B3GALT1: variants seen among roughly 807,000 people sequenced by gnomAD.
B3GALT1 encodes the protein UDP-Gal:betaGlcNAc beta 1,3-galactosyltransferase, polypeptide 1.
Under a neutral mutation model 23.2 loss-of-function variants are expected in B3GALT1, and 10 were observed. The ratio of observed to expected loss-of-function variants is 0.43; its 90% CI spans 0.27 to 0.73. The LOEUF (loss-of-function observed/expected upper bound fraction) is 0.73. Ranked by LOEUF, B3GALT1 falls within the 30% of genes least tolerant of loss-of-function variation. B3GALT1 has a pLI of 0.21. For synonymous variants in B3GALT1, 156 were observed against 141.5 expected, an observed-to-expected ratio of 1.10 and a Z score of -0.73; for missense variants, 299 against 405.4, an observed-to-expected ratio of 0.74 and a Z score of 2.25.
intron 3 of B3GALT1, among the ~76,000 whole-genome samples, chr2:167,804,482 C>T (rs1292014930): frequency 6.6e-6 from 1 of 152,030 alleles, no homozygotes; most frequent in Non-Finnish European, 1.5e-5. Flanking sequence ...CCCCCTTCTG[C>T]CCACCCCAAA....
At chr2:167,330,193 G>A (rs982684686) in intron 1 of B3GALT1, among the ~76,000 whole-genome samples, 1 of 151,340 alleles carries the variant, frequency 6.6e-6, no homozygotes. Context: ...TGTCACAAAG[G>A]CATTGCTCAT....
chr2:167,565,492 C>A (rs928039519), intron 2 of B3GALT1, among the ~76,000 whole-genome samples: 3 of 152,108 alleles, frequency 2.0e-5, no homozygotes, highest in Admixed American at 2.0e-4. Flanking sequence ...GCAACAAAAG[C>A]CAAAATTGAC....
At chr2:167,791,477 A>G (rs895728198) in intron 3 of B3GALT1, among the ~76,000 whole-genome samples, 7 of 152,312 alleles carry the variant, frequency 4.6e-5, no homozygotes, top group South Asian at 2.1e-4. Context: ...TGATCTAGCT[A>G]TAGTAGACTG....
chr2:167,521,057 G>GA (rs140979532), intron 2 of B3GALT1, among the ~76,000 whole-genome samples: 1,833 of 151,018 alleles, frequency 0.012, 17 homozygotes, highest in Middle Eastern at 0.021. Context: ...TTTCCTTCTT[G>GA]AAATAAGTTA....
chr2:167,783,220 C>A (rs1375696286), intron 3 of B3GALT1, among the ~76,000 whole-genome samples: 1 of 152,010 alleles, frequency 6.6e-6, no homozygotes, highest in Non-Finnish European at 1.5e-5. Context: ...AGTAATGCCT[C>A]TTTCAATAAG....
intron 4 of B3GALT1, among the ~76,000 whole-genome samples, chr2:167,863,378 G>T (rs1690143570): frequency 6.6e-6 from 1 of 152,264 alleles, no homozygotes; most frequent in Admixed American, 6.5e-5. Flanking sequence ...ACTCACAATA[G>T]ATCCTGCACT....
At chr2:167,672,593 A>G (rs1434648472) in intron 3 of B3GALT1, among the ~76,000 whole-genome samples, 1 of 152,192 alleles carries the variant, frequency 6.6e-6, no homozygotes, top group Non-Finnish European at 1.5e-5. Context: ...GTACTTGTGC[A>G]ACTTTAGACA....
At chr2:167,745,967 A>G (rs946560519) in intron 3 of B3GALT1, among the ~76,000 whole-genome samples, 5 of 152,146 alleles carry the variant, frequency 3.3e-5, no homozygotes, top group Admixed American at 2.6e-4. Flanking sequence ...ACTCTCTCTA[A>G]TAATTCTCAT....
intron 3 of B3GALT1, among the ~76,000 whole-genome samples, chr2:167,792,396 A>G (rs1054113542): frequency 5.3e-5 from 8 of 152,230 alleles, no homozygotes; most frequent in African/African-American, 1.9e-4. Flanking sequence ...CAGAATTACA[A>G]ACAAATACCA....
At chr2:167,580,684 A>T (rs1362154631) in intron 2 of B3GALT1, among the ~76,000 whole-genome samples, 2 of 151,912 alleles carry the variant, frequency 1.3e-5, no homozygotes, top group Non-Finnish European at 1.5e-5. Flanking sequence ...TGTCATGCCA[A>T]CTGATAAAAA....
intron 1 of B3GALT1, among the ~76,000 whole-genome samples, chr2:167,466,027 A>G (rs774097604): frequency 1.3e-5 from 2 of 152,176 alleles, no homozygotes; most frequent in African/African-American, 2.4e-5. Flanking sequence ...AGGCAAGGAA[A>G]CACATTGCTC....
chr2:167,383,814 A>G (rs904311063), intron 1 of B3GALT1, among the ~76,000 whole-genome samples: 1 of 152,206 alleles, frequency 6.6e-6, no homozygotes, highest in Non-Finnish European at 1.5e-5. Flanking sequence ...ATAAACTTTC[A>G]GTTATTGACA....
intron 1 of B3GALT1, among the ~76,000 whole-genome samples, chr2:167,466,720 T>C (rs1395953656): frequency 6.6e-6 from 1 of 150,962 alleles, no homozygotes; most frequent in African/African-American, 2.4e-5. Context: ...ATTATCACTC[T>C]TTTGTTTTTG....
Position 167,869,013 on chromosome 2 carries a change from A to G in B3GALT1, c.-27A>G. The G allele has an allele frequency of 6.4e-7, 1 of 1,554,602 alleles. No homozygotes were observed. Among genetic ancestry groups the G allele is most frequent in the South Asian group, 1.2e-5 (1 of 81,580 alleles). ...GTGCCAAGGAGGCGTATTCTTCAAT[A>G]TTTGGAATAGACGTGTTCTCAAGAC... is the stretch of plus-strand genomic sequence containing the variant. On this transcript the variant is annotated 5_prime_UTR_variant, in exon 5 of 5. In the 5' UTR this introduces an upstream ATG that the reference lacks. Transcript: ENST00000392690. The surrounding 1 kb of genome is among the most constrained non-coding windows in gnomAD (Gnocchi z 6.4).
intron 1 of B3GALT1, among the ~76,000 whole-genome samples, chr2:167,466,041 A>G (rs1469657650): frequency 6.6e-6 from 1 of 152,286 alleles, no homozygotes; most frequent in East Asian, 1.9e-4. Flanking sequence ...ATTGCTCCCA[A>G]TCAGACCTTG....
chr2:167,501,604 T>G (rs1699848696), intron 2 of B3GALT1, among the ~76,000 whole-genome samples: 1 of 151,664 alleles, frequency 6.6e-6, no homozygotes, highest in African/African-American at 2.4e-5. Context: ...ACAATTTGCA[T>G]TAGACTTCTA....
In B3GALT1 at chr2:167,577,375, C is replaced by T. The variant is rs559300050; in HGVS notation, c.-409-69534C>T. 1.2e-4 allele frequency among the ~76,000 whole-genome samples: 18 copies of T among 151,792 alleles called. No individual in the cohort carries two copies. In the South Asian group the frequency reaches 3.5e-3, roughly 30 times the overall value. Reference sequence around the variant, plus strand: ...CTTTGAAAAAGTCCCTTCTTTGTGCCCCTCAAGGTATTCATTTATCAAGTG... The same window carrying T: ...CTTTGAAAAAGTCCCTTCTTTGTGCTCCTCAAGGTATTCATTTATCAAGTG... On this transcript the variant is annotated intron_variant, in intron 2 of 4. Transcript: ENST00000392690.
intron 2 of B3GALT1, among the ~76,000 whole-genome samples, chr2:167,536,530 A>G (rs551527467): frequency 9.2e-5 from 14 of 152,286 alleles, no homozygotes; most frequent in Non-Finnish European, 7.4e-5. Context: ...CTGCTCTGTA[A>G]CTTCTTTCAA....
intron 1 of B3GALT1, among the ~76,000 whole-genome samples, chr2:167,408,764 G>A: frequency 1.7e-5 from 2 of 115,338 alleles, no homozygotes; most frequent in Non-Finnish European, 1.8e-5. Flanking sequence ...GAAATACCTA[G>A]AAACCAATCT....
Sources: gnomAD v4.1 joint callset for allele counts (sites outside exome capture counted in the v4.1 genomes callset) on GRCh38, gnomAD v4.1.1 for gene constraint, Gnocchi (gnomAD v3.1) non-coding constraint, MANE v1.5 for transcripts, NCBI Gene and HGNC (gene_info 2026-07-23, HGNC 2026-07-21) for gene names.